The following AHRR variants were observed in gnomAD, a reference collection of about 807,000 sequenced individuals.
AHRR encodes the protein ahR repressor.
In AHRR, 28 loss-of-function variants were observed where a neutral mutation model predicts 44.0. The ratio of observed to expected loss-of-function variants is 0.64; its 90% confidence interval spans 0.47 to 0.87. The LOEUF is 0.87. AHRR is among the 40% of genes least tolerant of loss of function. The pLI is 0.00. For synonymous variants in AHRR, 434 were observed against 407.0 expected (o/e 1.07, Z -0.80); for missense variants, 990 against 953.9 (o/e 1.04, Z -0.50).
At chr5:425,512 G>A (rs1043240746) in intron 7 of AHRR, among the ~76,000 whole-genome samples, 1 of 152,138 alleles carries the variant, frequency 6.6e-6, no homozygotes, top group South Asian at 2.1e-4. Flanking sequence ...TAGAGACAGT[G>A]TTTCACTGTT....
intron 3 of AHRR, among the ~76,000 whole-genome samples, chr5:355,831 G>A (rs1243566822): frequency 6.6e-6 from 1 of 152,228 alleles, no homozygotes; most frequent in Non-Finnish European, 1.5e-5. Context: ...ACCGGCTTAC[G>A]AGAGTGCTGC....
At chr5:346,358 A>G (rs1173205194) in intron 2 of AHRR, among the ~76,000 whole-genome samples, 4 of 152,174 alleles carry the variant, frequency 2.6e-5, no homozygotes, top group South Asian at 4.1e-4. Flanking sequence ...TCAAAACACC[A>G]ATACATAAAA....
chr5:428,157 C>A, intron 8 of AHRR, 151 bp downstream of exon 8: 1 of 922,288 alleles, frequency 1.1e-6, no homozygotes, highest in African/African-American at 1.7e-5. Context: ...ACAACATAGG[C>A]AGCAGCGATT....
chr5:330,573 C>T (rs752246022), intron 1 of AHRR, among the ~76,000 whole-genome samples: 12 of 152,062 alleles, frequency 7.9e-5, no homozygotes, highest in East Asian at 1.9e-4. Flanking sequence ...AGCATTTTGC[C>T]GTGTTGGGCA....
chr5:363,765 C>T (rs370522053), intron 3 of AHRR, among the ~76,000 whole-genome samples: 1 of 152,186 alleles, frequency 6.6e-6, no homozygotes, highest in Non-Finnish European at 1.5e-5. Context: ...CTGCCCATCC[C>T]TCTCATGGTA....
rs781411376 is a variant in AHRR at position 404,554 on chromosome 5, C to T, written c.352-8790C>T. 3.6e-5 allele frequency: 10 copies of T among 281,206 alleles called. No individual in the cohort carries two copies. Among genetic ancestry groups the T allele is most frequent in the African/African-American group, 4.5e-5 (2 of 44,786 alleles). The allele number at this position is 281,206 out of a possible 1,614,324, so 17.4% of individuals were successfully genotyped here. A position where few individuals can be genotyped will look rare whatever the true frequency, so the allele number is the denominator to read the frequency against. On this transcript the variant is annotated intron_variant, in intron 4 of 10. Transcript: ENST00000684583. The surrounding 1 kb of genome is among the most constrained non-coding windows in gnomAD (Gnocchi z 4.1). ...CAGAAAAAGAGCAGGCGTCCTGGGCCGGGGCAGGCGATTGGTACTAAAATG... is the reference window on the plus strand; with the variant it reads ...CAGAAAAAGAGCAGGCGTCCTGGGCTGGGGCAGGCGATTGGTACTAAAATG...
chr5:332,753 A>AT (rs1462983386), intron 1 of AHRR, among the ~76,000 whole-genome samples: 1 of 152,158 alleles, frequency 6.6e-6, no homozygotes, highest in African/African-American at 2.4e-5. Flanking sequence ...GTCTAATGCC[A>AT]TGAGTAGTGT....
At position 387,160 on chromosome 5, in the gene AHRR, T is replaced by C. The variant is rs1056015367; in HGVS notation, c.351+10444T>C. On this transcript the variant is annotated intron_variant, in intron 4 of 10. Transcript: ENST00000684583. The surrounding 1 kb of genome is among the most constrained non-coding windows in gnomAD (Gnocchi z 5.1). ...AAAGTGCTTTACGCTGTGTCTCTGGTGTGTTCCACACCTGCAGCTTGGGAT... is the reference window on the plus strand; with the variant it reads ...AAAGTGCTTTACGCTGTGTCTCTGGCGTGTTCCACACCTGCAGCTTGGGAT... 1.3e-5 allele frequency among the ~76,000 whole-genome samples: 2 copies of C among 152,244 alleles called. No homozygotes were observed. Among genetic ancestry groups the C allele is most frequent in the African/African-American group, 4.8e-5 (2 of 41,454 alleles).
chr5:425,272 C>T (rs553191888), intron 7 of AHRR, among the ~76,000 whole-genome samples: 12 of 152,344 alleles, frequency 7.9e-5, no homozygotes, highest in African/African-American at 1.7e-4. Context: ...CGCACACGCC[C>T]CAGGGCACAT....
intron 2 of AHRR, among the ~76,000 whole-genome samples, chr5:345,325 T>TG (rs1411888540): frequency 4.5e-5 from 2 of 44,504 alleles, no homozygotes; most frequent in African/African-American, 2.3e-4. Context: ...TGTGTGTGTG[T>TG]GTGTGTGGGG....
chr5:359,241 GTC>G (rs1743084282), intron 3 of AHRR, among the ~76,000 whole-genome samples: 1 of 29,476 alleles, frequency 3.4e-5, no homozygotes, highest in African/African-American at 1.2e-4. Context: ...CACCCGGGCA[GTC>G]AGCGACTGAG....
chr5:434,461 CAG>C lies in AHRR; in HGVS notation c.1724_1725del (p.Glu575AlafsTer66), dbSNP rs1039941886. On this transcript the variant is annotated frameshift_variant, in exon 11 of 11. Coordinates refer to ENST00000684583, the MANE Select transcript of AHRR (RefSeq NM_001377236.1). ...TTCCCTACCAGGATGCACCTGAAAACAGAGCCAGACTCTCGGCAACAGGTGTA... is the reference window on the plus strand; with the variant it reads ...TTCCCTACCAGGATGCACCTGAAAACAGCCAGACTCTCGGCAACAGGTGTA... The C allele has an allele frequency of 1.9e-6, 3 of 1,613,376 alleles. No individual in the cohort carries two copies. Among genetic ancestry groups the C allele is most frequent in the Non-Finnish European group, 2.5e-6 (3 of 1,180,012 alleles).
intron 2 of AHRR, among the ~76,000 whole-genome samples, chr5:352,321 T>C (rs1025743262): frequency 6.7e-6 from 1 of 148,670 alleles, no homozygotes; most frequent in Admixed American, 6.7e-5. Flanking sequence ...CTGTAGGGGA[T>C]GGTCACTCTG....
chr5:423,714 C>T (rs1443035430), intron 6 of AHRR, 127 bp from the exon 7 acceptor site: 143 of 1,266,606 alleles, frequency 1.1e-4, no homozygotes, highest in Middle Eastern at 2.8e-4. Context: ...ATGCTGGGGG[C>T]GGGAGGATGG....
intron 2 of AHRR, among the ~76,000 whole-genome samples, chr5:350,384 C>A (rs1742818090): frequency 6.6e-6 from 1 of 152,196 alleles, no homozygotes; most frequent in Admixed American, 6.5e-5. Context: ...ACCTCCCACA[C>A]CTGTTTCTGT....
chr5:403,027 C>CG (rs1040561840), intron 4 of AHRR, among the ~76,000 whole-genome samples: 10 of 151,886 alleles, frequency 6.6e-5, no homozygotes, highest in African/African-American at 2.2e-4. Context: ...TACCAGGGGC[C>CG]GGGGGTGTGG....
At chr5:415,944 A>G (rs1270391436) in intron 5 of AHRR, among the ~76,000 whole-genome samples, 1 of 152,170 alleles carries the variant, frequency 6.6e-6, no homozygotes, top group Non-Finnish European at 1.5e-5. Context: ...GTCCGCCTCT[A>G]AGTTCAATCT....
chr5:426,262 A>ATGGATGGATGAG (rs1274703136), intron 7 of AHRR, among the ~76,000 whole-genome samples: 1 of 152,062 alleles, frequency 6.6e-6, no homozygotes, highest in African/African-American at 2.4e-5. Flanking sequence ...GGATGGATGG[A>ATGGATGGATGAG]TGGATGGATG....
chr5:356,140 C>T (rs184449725), intron 3 of AHRR, among the ~76,000 whole-genome samples: 16 of 152,244 alleles, frequency 1.1e-4, no homozygotes, highest in Admixed American at 2.6e-4. Context: ...CTGTTAAGGT[C>T]GGGATTTTCC....
Sources: allele counts gnomAD v4.1 joint callset (sites outside exome capture counted in the v4.1 genomes callset), GRCh38; gene constraint gnomAD v4.1.1; non-coding constraint Gnocchi (gnomAD v3.1); transcripts MANE v1.5; gene names NCBI Gene and HGNC (gene_info 2026-07-23, HGNC 2026-07-21).